SRGAP3: variants seen among roughly 807,000 people sequenced by gnomAD.
The protein encoded by SRGAP3 is SLIT-ROBO Rho GTPase-activating protein 3.
In SRGAP3, 39 loss-of-function variants were observed where a neutral mutation model predicts 121.1. The ratio of observed to expected loss-of-function variants is 0.32; its 90% CI spans 0.25 to 0.42. The LOEUF is 0.42. SRGAP3 is among the 10% of genes least tolerant of loss of function. The pLI, the probability that SRGAP3 is intolerant of heterozygous loss-of-function variation, is 1.00. For missense variants in SRGAP3, 1,213 were observed against 1,470.6 expected (o/e 0.82, Z 2.86); for synonymous variants, 601 against 570.0 (o/e 1.05, Z -0.77).
intron 1 of SRGAP3, among the ~76,000 whole-genome samples, chr3:9,345,718 G>A (rs553138020): frequency 1.4e-5 from 2 of 147,622 alleles, no homozygotes; most frequent in Admixed American, 1.4e-4. Flanking sequence ...CACGGGAGAT[G>A]GAGGTTGCAG....
In SRGAP3 at chr3:9,026,926, C is replaced by G. The variant is rs912612543; in HGVS notation, c.1600+9G>C. ...ATTGCTGAAAACACTGGCCCAAGAT[C>G]CAGCTTACCATATAAATTGATGTAA... is the stretch of plus-strand genomic sequence containing the variant. On this transcript the variant is annotated intron_variant, in intron 13 of 21. Transcript: ENST00000383836. 3.7e-6 allele frequency: 6 copies of G among 1,614,188 alleles called. No homozygotes were observed. Among genetic ancestry groups the G allele is most frequent in the South Asian group, 1.1e-5 (1 of 91,084 alleles).
intron 1 of SRGAP3, among the ~76,000 whole-genome samples, chr3:9,237,472 T>C (rs1305616582): frequency 6.6e-6 from 1 of 152,222 alleles, no homozygotes. Flanking sequence ...AAATATCATA[T>C]AGCTTTTAGT....
intron 1 of SRGAP3, among the ~76,000 whole-genome samples, chr3:9,184,171 T>C (rs1423299168): frequency 6.6e-6 from 1 of 152,182 alleles, no homozygotes; most frequent in Non-Finnish European, 1.5e-5. Flanking sequence ...TCCTCCCATT[T>C]CAATCAATTA....
chr3:9,030,454 T>C lies in SRGAP3; in HGVS notation c.1539+2196A>G, dbSNP rs536853443. Among the ~76,000 whole-genome samples the C allele has an allele frequency of 8.5e-5, 13 of 152,302 alleles. No individual in the cohort carries two copies. In the South Asian group the frequency reaches 2.1e-3, roughly 24 times the overall value. ...TCTATTCCAAAGACAAGGTGTCCAT[T>C]TGAATACATAGTCTTGGCCCCACTG... On this transcript the variant is annotated intron_variant, in intron 12 of 21. Coordinates refer to ENST00000383836, the MANE Select transcript of SRGAP3 (RefSeq NM_014850.4).
At chr3:9,180,819 C>T (rs760142014) in intron 1 of SRGAP3, among the ~76,000 whole-genome samples, 11 of 152,160 alleles carry the variant, frequency 7.2e-5, no homozygotes, top group Non-Finnish European at 1.2e-4. Context: ...AGGAGGCACC[C>T]GCCAGCACCT....
intron 1 of SRGAP3, chr3:9,349,697 ATTTAT>A (rs1351688991): frequency 1.3e-5 from 2 of 153,120 alleles, no homozygotes; most frequent in African/African-American, 2.4e-5. Context: ...TATGTGTTAC[ATTTAT>A]TTTATTTTTT....
chr3:9,095,345 C>A (rs1313706129), intron 3 of SRGAP3, among the ~76,000 whole-genome samples: 1 of 151,868 alleles, frequency 6.6e-6, no homozygotes, highest in Non-Finnish European at 1.5e-5. Context: ...CTTTAAGCAG[C>A]CTTTTCCTAC....
rs538225420 is a variant in SRGAP3, at chr3:9,151,613, C to T, written c.68-26696G>A. On this transcript the variant is annotated intron_variant, in intron 1 of 21. Coordinates refer to ENST00000383836, the MANE Select transcript of SRGAP3 (RefSeq NM_014850.4). ...AGAAGAGACAGATGTGAGGAACACA[C>T]TCTAAACAACTGGATAACTGGCTGG... 5.3e-5 allele frequency among the ~76,000 whole-genome samples: 8 copies of T among 152,338 alleles called. No individual in the cohort carries two copies. In the East Asian group the frequency reaches 1.5e-3, roughly 29 times the overall value.
At chr3:9,108,198 G>A (rs992486437) in intron 2 of SRGAP3, among the ~76,000 whole-genome samples, 9 of 152,020 alleles carry the variant, frequency 5.9e-5, no homozygotes, top group African/African-American at 2.2e-4. Flanking sequence ...GAATCAACTG[G>A]GGAGCTTTTA....
chr3:9,118,704 G>A (rs1480897505), intron 2 of SRGAP3, among the ~76,000 whole-genome samples: 2 of 149,342 alleles, frequency 1.3e-5, no homozygotes, highest in Admixed American at 6.6e-5. Context: ...CCCCCCCCAA[G>A]AAGTTCTGAT....
chr3:9,298,176 G>A (rs191413364), intron 3 of SRGAP3, among the ~76,000 whole-genome samples: 1 of 152,248 alleles, frequency 6.6e-6, no homozygotes, highest in African/African-American at 2.4e-5. Context: ...GATAAAATAG[G>A]AATATATATA....
intron 4 of SRGAP3, among the ~76,000 whole-genome samples, chr3:9,071,763 T>G (rs1323717055): frequency 6.6e-6 from 1 of 152,148 alleles, no homozygotes; most frequent in Non-Finnish European, 1.5e-5. Context: ...GGAGGCATAG[T>G]TCTACTGCCT....
chr3:9,024,960 G>A (rs1049581862), intron 14 of SRGAP3, among the ~76,000 whole-genome samples: 1 of 152,178 alleles, frequency 6.6e-6, no homozygotes, highest in Admixed American at 6.5e-5. Flanking sequence ...TAGTAACAGT[G>A]GTGGTGGTGC....
chr3:9,053,142 T>C lies in SRGAP3; in HGVS notation c.1208A>G (p.Gln403Arg). The C allele has an allele frequency of 6.2e-7, 1 of 1,614,230 alleles. No individual in the cohort carries two copies. The highest frequency in any genetic ancestry group is 8.5e-7 in the Non-Finnish European group (1 of 1,180,036). The change falls in exon 9 of 22, where the codon CAA (glutamine) becomes CGA (arginine). Residue 403 changes from glutamine (Q) to arginine (R), a missense_variant. Around this residue, in one of 2 missense-constraint regions of SRGAP3, gnomAD observed 793 missense variants for 1,032.9 expected, o/e 0.77. Transcript: ENST00000383836. ...VEDFDVSDAF[Q>R]HSRSTESVKS... is the part of the protein sequence containing the mutation. ...GACGGACTCTGTCGATCGACTGTGT[T>C]GGAAGGCATCGGAGACATCAAAGTC... is the stretch of plus-strand genomic sequence containing the variant.
chr3:9,287,802 A>T (rs1276370945), intron 3 of SRGAP3, among the ~76,000 whole-genome samples: 1 of 152,232 alleles, frequency 6.6e-6, no homozygotes, highest in Admixed American at 6.5e-5. Context: ...TATTATTGCC[A>T]TTGAGAAGAC....
At chr3:9,083,032 T>C (rs989377140) in intron 3 of SRGAP3, among the ~76,000 whole-genome samples, 1 of 152,192 alleles carries the variant, frequency 6.6e-6, no homozygotes, top group African/African-American at 2.4e-5. Context: ...CCTTCAACAG[T>C]GTCCTGTGAT....
intron 3 of SRGAP3, among the ~76,000 whole-genome samples, chr3:9,285,704 G>A (rs975714538): frequency 6.6e-6 from 1 of 151,716 alleles, no homozygotes; most frequent in Admixed American, 6.6e-5. Flanking sequence ...GCTGAGGCAG[G>A]CAGATTACTT....
chr3:9,352,252 C>T (rs2125295191), intron 1 of SRGAP3, among the ~76,000 whole-genome samples: 1 of 151,738 alleles, frequency 6.6e-6, no homozygotes, highest in East Asian at 1.9e-4. Context: ...TCCCCTTTTC[C>T]TCCACAGATG....
chr3:9,317,150 TTA>T (rs1200301290), intron 3 of SRGAP3, among the ~76,000 whole-genome samples: 1 of 152,138 alleles, frequency 6.6e-6, no homozygotes, highest in Non-Finnish European at 1.5e-5. Context: ...GGAGCACTCA[TTA>T]TATGTGAATA....
Sources: allele counts gnomAD v4.1 joint callset (sites outside exome capture counted in the v4.1 genomes callset), GRCh38; gene constraint gnomAD v4.1.1; regional missense constraint gnomAD v4.1.1; transcripts MANE v1.5; gene names NCBI Gene and HGNC (gene_info 2026-07-23, HGNC 2026-07-21).